The following DSCAM variants were observed in gnomAD, a reference collection of about 807,000 sequenced individuals.
DSCAM encodes cell adhesion molecule DSCAM.
Under a neutral mutation model 217.7 loss-of-function variants are expected in DSCAM, and 47 were observed. That is an observed-to-expected ratio of 0.22 (90% CI 0.17 to 0.28). The LOEUF is 0.28. Among genes scored for constraint, DSCAM ranks in the 10% least tolerant of loss-of-function variants. The pLI, the probability that DSCAM is intolerant of heterozygous loss-of-function variation, is 1.00. For synonymous variants in DSCAM, 1,056 were observed against 1,015.3 expected, an observed-to-expected ratio of 1.04 and a Z score of -0.76; for missense variants, 2,080 against 2,618.3, an observed-to-expected ratio of 0.79 and a Z score of 4.49.
intron 3 of DSCAM, among the ~76,000 whole-genome samples, chr21:40,682,858 G>A (rs946575764): frequency 6.7e-6 from 1 of 149,794 alleles, no homozygotes; most frequent in African/African-American, 2.5e-5. Flanking sequence ...GGGAAGGGAA[G>A]GGAAGGGAGA....
At position 40,708,898 on chromosome 21, in the gene DSCAM, A is replaced by G. The variant is rs1054704949; in HGVS notation, c.44-127T>C. On this transcript the variant is annotated intron_variant, in intron 1 of 32. Transcript: ENST00000400454. Reference sequence around the variant, plus strand: ...GAGGCGCAGGCTCAAATAAAACCAAATAATTCAAATTTTCTGAAAATGCTG... The same window carrying G: ...GAGGCGCAGGCTCAAATAAAACCAAGTAATTCAAATTTTCTGAAAATGCTG... The G allele has an allele frequency of 1.9e-5, 12 of 635,102 alleles. No homozygotes were observed. The South Asian group carries it at 4.0e-4, about 21-fold the overall frequency. 39.3% of individuals were successfully genotyped at this position (635,102 alleles called of 1,614,324 possible). A position where few individuals can be genotyped will look rare whatever the true frequency, so the allele number is the denominator to read the frequency against.
intron 1 of DSCAM, among the ~76,000 whole-genome samples, chr21:40,832,541 T>C (rs1290816432): frequency 6.6e-6 from 1 of 152,180 alleles, no homozygotes; most frequent in Non-Finnish European, 1.5e-5. Context: ...CAGGGGTTCT[T>C]AGGATGCGGG....
intron 3 of DSCAM, among the ~76,000 whole-genome samples, chr21:40,479,926 ACT>A (rs1569140752): frequency 6.6e-6 from 1 of 152,192 alleles, no homozygotes; most frequent in African/African-American, 2.4e-5. Flanking sequence ...GCACACACAA[ACT>A]CACACACACA....
intron 3 of DSCAM, among the ~76,000 whole-genome samples, chr21:40,680,441 G>A (rs1475995292): frequency 1.3e-5 from 2 of 152,146 alleles, no homozygotes; most frequent in Non-Finnish European, 1.5e-5. Flanking sequence ...GTGCAGTAGG[G>A]ACCCAAAGCC....
chr21:40,415,400 C>G (rs1161746582), intron 3 of DSCAM, among the ~76,000 whole-genome samples: 2 of 152,102 alleles, frequency 1.3e-5, no homozygotes, highest in Non-Finnish European at 2.9e-5. Flanking sequence ...ACAAACAGAG[C>G]TAATATACTG....
chr21:40,510,611 T>C (rs2076250851), intron 3 of DSCAM, among the ~76,000 whole-genome samples: 1 of 152,082 alleles, frequency 6.6e-6, no homozygotes, highest in South Asian at 2.1e-4. Context: ...TATAAGAAAG[T>C]TTAGAAGGAA....
Position 40,485,418 on chromosome 21 carries a change from ATT to A in DSCAM, c.509-116175_509-116174del, listed in dbSNP as rs556438864. On this transcript the variant is annotated intron_variant, in intron 3 of 32. Coordinates refer to ENST00000400454, the MANE Select transcript of DSCAM (RefSeq NM_001389.5). ...CCACCGCGCCCGGCTAATTTTTTGT[ATT>A]TTTAGTAGAGACGGGGTTTCACCGT... is the stretch of plus-strand genomic sequence containing the variant. Among the ~76,000 whole-genome samples the A allele has an allele frequency of 4.0e-3, 609 of 150,906 alleles. 3 individuals are homozygous for A. The highest frequency in any genetic ancestry group is 0.014 in the African/African-American group (561 of 41,150).
At chr21:40,062,837 A>C (rs1456619113) in intron 28 of DSCAM, 32 bp downstream of exon 28, 6 of 1,552,180 alleles carry the variant, frequency 3.9e-6, no homozygotes. Context: ...TCTTTCAAAC[A>C]TGATATCTGG....
intron 3 of DSCAM, among the ~76,000 whole-genome samples, chr21:40,452,125 C>CA (rs1481783439): frequency 3.3e-5 from 5 of 151,746 alleles, no homozygotes; most frequent in Non-Finnish European, 5.9e-5. Context: ...AAAATACATC[C>CA]AATGAAAAAT....
chr21:40,488,285 C>A (rs2076046986), intron 3 of DSCAM, among the ~76,000 whole-genome samples: 1 of 152,216 alleles, frequency 6.6e-6, no homozygotes, highest in Non-Finnish European at 1.5e-5. Flanking sequence ...GCAGCAAGGG[C>A]TGCTCTGCTA....
At position 40,124,333 on chromosome 21, in the gene DSCAM, A is replaced by G; in HGVS notation, c.3563-5T>C. On this transcript the variant is annotated splice_polypyrimidine_tract_variant and splice_region_variant and intron_variant, in intron 19 of 32. Transcript: ENST00000400454. ...CACCCGCGGGAGGACCTGGAACTGG[A>G]AGAGCCGTGTGTTTAGTCACAAGGT... 1 of 1,613,594 alleles carries G rather than the reference A, an allele frequency of 6.2e-7. No homozygotes were observed. The highest frequency in any genetic ancestry group is 8.5e-7 in the Non-Finnish European group (1 of 1,179,974).
chr21:40,356,357 A>G (rs750994788), intron 4 of DSCAM, among the ~76,000 whole-genome samples: 1 of 149,748 alleles, frequency 6.7e-6, no homozygotes, highest in Non-Finnish European at 1.5e-5. Flanking sequence ...TAACTATGTG[A>G]GGCAATAGAT....
intron 3 of DSCAM, among the ~76,000 whole-genome samples, chr21:40,436,606 C>T (rs555786372): frequency 6.6e-6 from 1 of 152,284 alleles, no homozygotes; most frequent in South Asian, 2.1e-4. Flanking sequence ...GGGGTCTCAC[C>T]TGAGACTTGT....
At chr21:40,030,385 CAGGAAGGGGATAAAACG>C (rs1156716725) in intron 32 of DSCAM, among the ~76,000 whole-genome samples, 3 of 152,032 alleles carry the variant, frequency 2.0e-5, no homozygotes, top group African/African-American at 7.3e-5. Context: ...GAAGCAAATC[CAGGAAGGGGATAAAACG>C]TGGGAGGGGA....
chr21:40,551,504 G>T (rs1356357918), intron 3 of DSCAM, among the ~76,000 whole-genome samples: 2 of 152,112 alleles, frequency 1.3e-5, no homozygotes, highest in African/African-American at 4.8e-5. Context: ...TTCCCATTCA[G>T]ACTTTTAAAA....
intron 21 of DSCAM, among the ~76,000 whole-genome samples, chr21:40,090,740 T>G (rs1281578383): frequency 6.6e-6 from 1 of 152,172 alleles, no homozygotes; most frequent in South Asian, 2.1e-4. Context: ...GTAAGCGATA[T>G]CCAGACGCTG....
Position 40,133,975 on chromosome 21 carries a change from C to T in DSCAM, c.3441G>A (p.Gln1147=), listed in dbSNP as rs2090181300. ...LGEIKNITTT[Q]PSLELDGLEK... ...CCAGCCCGTCCAGCTCCAGTGAAGGCTGTGTGGTGGTGATGTTTTTAATCT... is the reference window on the plus strand; with the variant it reads ...CCAGCCCGTCCAGCTCCAGTGAAGGTTGTGTGGTGGTGATGTTTTTAATCT... The change falls in exon 19 of 33, where the codon CAG becomes CAA. Residue 1147 remains glutamine (Q), a synonymous_variant. Transcript: ENST00000400454. The T allele has an allele frequency of 1.2e-6, 2 of 1,612,974 alleles. No individual in the cohort carries two copies. The highest frequency in any genetic ancestry group is 2.2e-5 in the South Asian group (2 of 90,966).
At chr21:40,040,616 G>C (rs1274014849) in intron 32 of DSCAM, among the ~76,000 whole-genome samples, 1 of 152,212 alleles carries the variant, frequency 6.6e-6, no homozygotes, top group Non-Finnish European at 1.5e-5. Flanking sequence ...CAGCAGTACA[G>C]CTGGAGTCAC....
intron 3 of DSCAM, among the ~76,000 whole-genome samples, chr21:40,441,993 C>T (rs1373363875): frequency 1.3e-5 from 2 of 152,092 alleles, no homozygotes; most frequent in Non-Finnish European, 2.9e-5. Context: ...GTTTACTTAA[C>T]TAATGTTTAT....
Sources: allele counts gnomAD v4.1 joint callset (sites outside exome capture counted in the v4.1 genomes callset), GRCh38; gene constraint gnomAD v4.1.1; transcripts MANE v1.5; gene names NCBI Gene and HGNC (gene_info 2026-07-23, HGNC 2026-07-21).